CNTNAP4: variants seen among roughly 807,000 people sequenced by gnomAD.
The protein encoded by CNTNAP4 is contactin-associated protein-like 4.
In CNTNAP4, 98 loss-of-function variants were observed where a neutral mutation model predicts 148.4. The ratio of observed to expected loss-of-function variants is 0.66; its 90% CI spans 0.56 to 0.78. CNTNAP4 has a LOEUF of 0.78. CNTNAP4 is among the 30% of genes least tolerant of loss of function. The pLI is 0.00. For missense variants in CNTNAP4, 1,935 were observed against 1,565.6 expected, an observed-to-expected ratio of 1.24 and a Z score of -3.98; for synonymous variants, 730 against 565.1, an observed-to-expected ratio of 1.29 and a Z score of -4.14.
At chr16:76,444,959 C>G (rs891877652) in intron 4 of CNTNAP4, among the ~76,000 whole-genome samples, 2 of 152,090 alleles carry the variant, frequency 1.3e-5, no homozygotes, top group Non-Finnish European at 2.9e-5. Flanking sequence ...CCTTTCAGGT[C>G]CCCTTTTTCA....
intron 3 of CNTNAP4, among the ~76,000 whole-genome samples, chr16:76,415,093 T>G (rs2078929346): frequency 6.6e-6 from 1 of 151,174 alleles, no homozygotes; most frequent in African/African-American, 2.4e-5. Flanking sequence ...AAATTCGGGA[T>G]AAACACAATT....
At chr16:76,384,976 C>G (rs377182037) in intron 3 of CNTNAP4, among the ~76,000 whole-genome samples, 1 of 151,984 alleles carries the variant, frequency 6.6e-6, no homozygotes, top group African/African-American at 2.4e-5. Context: ...AGCATTCAAC[C>G]GGTTGCAACA....
At chr16:76,449,978 T>G in intron 7 of CNTNAP4, 120 bp downstream of exon 7, 1 of 800,186 alleles carries the variant, frequency 1.2e-6, no homozygotes, top group South Asian at 2.0e-5. Flanking sequence ...ATTTAAATAT[T>G]TTTCTTTGAT....
At chr16:76,340,533 C>T (rs116181124) in intron 2 of CNTNAP4, among the ~76,000 whole-genome samples, 125 of 152,190 alleles carry the variant, frequency 8.2e-4, no homozygotes, top group Middle Eastern at 3.4e-3. Context: ...CATCTGATTG[C>T]GCTCCCAATG....
At chr16:76,436,572 A>G (rs1317616419) in intron 4 of CNTNAP4, among the ~76,000 whole-genome samples, 1 of 152,174 alleles carries the variant, frequency 6.6e-6, no homozygotes, top group Non-Finnish European at 1.5e-5. Flanking sequence ...CAGGAGACAG[A>G]ATCCCTGAGT....
At chr16:76,402,415 G>A (rs932278886) in intron 3 of CNTNAP4, among the ~76,000 whole-genome samples, 1 of 151,662 alleles carries the variant, frequency 6.6e-6, no homozygotes, top group Non-Finnish European at 1.5e-5. Flanking sequence ...TTCTAATTGT[G>A]TTTATTTGGA....
intron 1 of CNTNAP4, among the ~76,000 whole-genome samples, chr16:76,278,110 A>C (rs980426776): frequency 2.6e-5 from 4 of 152,166 alleles, no homozygotes; most frequent in Non-Finnish European, 5.9e-5. Context: ...TTTTATTGGA[A>C]TTATGTCTAA....
intron 9 of CNTNAP4, among the ~76,000 whole-genome samples, chr16:76,464,277 T>G (rs1325148904): frequency 6.6e-6 from 1 of 152,140 alleles, no homozygotes; most frequent in Non-Finnish European, 1.5e-5. Flanking sequence ...TTGTGAGGCC[T>G]TTTGGTACCA....
At chr16:76,430,050 G>A (rs573649671) in intron 4 of CNTNAP4, among the ~76,000 whole-genome samples, 39 of 152,098 alleles carry the variant, frequency 2.6e-4, no homozygotes, top group Non-Finnish European at 4.6e-4. Context: ...TTGGGCATGA[G>A]TACCTTATGG....
At chr16:76,415,353 T>C (rs1395619852) in intron 3 of CNTNAP4, among the ~76,000 whole-genome samples, 1 of 151,244 alleles carries the variant, frequency 6.6e-6, no homozygotes, top group Non-Finnish European at 1.5e-5. Flanking sequence ...AGTTTGTTTT[T>C]AAATAGAACT....
intron 3 of CNTNAP4, among the ~76,000 whole-genome samples, chr16:76,395,091 C>G (rs1040547774): frequency 1.3e-5 from 2 of 152,186 alleles, no homozygotes; most frequent in Admixed American, 1.3e-4. Context: ...CAAAACGTGA[C>G]TCTCCCAATG....
At chr16:76,330,502 A>C (rs1963407669) in intron 2 of CNTNAP4, among the ~76,000 whole-genome samples, 1 of 152,208 alleles carries the variant, frequency 6.6e-6, no homozygotes, top group African/African-American at 2.4e-5. Flanking sequence ...GTGTTTATGA[A>C]TGCACTTGCC....
At chr16:76,405,740 C>A (rs1451224385) in intron 3 of CNTNAP4, among the ~76,000 whole-genome samples, 1 of 151,792 alleles carries the variant, frequency 6.6e-6, no homozygotes, top group African/African-American at 2.4e-5. Flanking sequence ...ATATGTGGAC[C>A]CTCAGAGTTC....
chr16:76,386,442 G>T (rs1027412288), intron 3 of CNTNAP4, among the ~76,000 whole-genome samples: 1 of 152,050 alleles, frequency 6.6e-6, no homozygotes. Context: ...AATTTAAAAT[G>T]CAAGCTTCCA....
At chr16:76,427,690 C>A in intron 4 of CNTNAP4, 91 bp downstream of exon 4, 1 of 1,237,056 alleles carries the variant, frequency 8.1e-7, no homozygotes, top group Non-Finnish European at 1.1e-6. Flanking sequence ...TTTTTAGCTA[C>A]ATAAAGAGGT....
At chr16:76,365,891 T>C (rs994615145) in intron 3 of CNTNAP4, among the ~76,000 whole-genome samples, 1 of 151,972 alleles carries the variant, frequency 6.6e-6, no homozygotes, top group Non-Finnish European at 1.5e-5. Flanking sequence ...ACATGGACAA[T>C]GTAAAAGAAA....
chr16:76,463,446 T>G (rs1242936392), intron 9 of CNTNAP4, among the ~76,000 whole-genome samples: 1 of 152,208 alleles, frequency 6.6e-6, no homozygotes, highest in Non-Finnish European at 1.5e-5. Context: ...TAGTGATTGC[T>G]TTTAGTCATA....
chr16:76,392,858 A>G (rs1044017426), intron 3 of CNTNAP4, among the ~76,000 whole-genome samples: 10 of 152,206 alleles, frequency 6.6e-5, no homozygotes, highest in African/African-American at 1.2e-4. Context: ...ATGCCTGTCA[A>G]TGAATGAAAG....
chr16:76,455,601 A>G (rs764820919), intron 8 of CNTNAP4, among the ~76,000 whole-genome samples: 1 of 152,168 alleles, frequency 6.6e-6, no homozygotes, highest in Non-Finnish European at 1.5e-5. Context: ...CCATATTTTC[A>G]TCTTGACAAG....
Sources: allele counts gnomAD v4.1 joint callset (sites outside exome capture counted in the v4.1 genomes callset), GRCh38; gene constraint gnomAD v4.1.1; transcripts MANE v1.5; gene names NCBI Gene and HGNC (gene_info 2026-07-23, HGNC 2026-07-21).